The following AHCYL2 variants were observed in gnomAD, a reference collection of about 807,000 sequenced individuals.
AHCYL2 encodes adenosylhomocysteinase like 2, also known as S-adenosylhomocysteine hydrolase-like protein 2.
Under a neutral mutation model 81.4 loss-of-function variants are expected in AHCYL2, and 28 were observed. The ratio of observed to expected loss-of-function variants is 0.34; its 90% CI spans 0.25 to 0.47. The LOEUF (loss-of-function observed/expected upper bound fraction) is 0.47, where lower values mean the gene tolerates loss of function less well. Ranked by LOEUF, AHCYL2 falls within the 20% of genes least tolerant of loss-of-function variation. The pLI is 1.00. For synonymous variants in AHCYL2, 272 were observed against 290.2 expected, an observed-to-expected ratio of 0.94 and a Z score of 0.64; for missense variants, 551 against 785.1, an observed-to-expected ratio of 0.70 and a Z score of 3.56.
At chr7:129,263,827 A>G (rs931467023) in intron 1 of AHCYL2, among the ~76,000 whole-genome samples, 21 of 152,206 alleles carry the variant, frequency 1.4e-4, no homozygotes, top group Non-Finnish European at 2.6e-4. Context: ...TGTTTCAGAT[A>G]TAGAAGGACA....
At chr7:129,327,667 T>C (rs971560793) in intron 1 of AHCYL2, among the ~76,000 whole-genome samples, 4 of 152,162 alleles carry the variant, frequency 2.6e-5, no homozygotes, top group Non-Finnish European at 5.9e-5. Context: ...GGTTTTACCA[T>C]CTTGGCCAGG....
chr7:129,424,833 C>T lies in AHCYL2; in HGVS notation c.1561-41C>T, dbSNP rs746412612. 21 of 1,610,348 alleles carry T rather than the reference C, an allele frequency of 1.3e-5. No individual in the cohort carries two copies. In the East Asian group the frequency reaches 4.0e-4, roughly 31 times the overall value. ...TCCCTCACTTCTCAAAGGCCAGCGA[C>T]TTTGTCCTAATCCATTTGTGTCTTC... On this transcript the variant is annotated intron_variant, in intron 13 of 16. Transcript: ENST00000325006.
intron 1 of AHCYL2, among the ~76,000 whole-genome samples, chr7:129,303,515 A>G (rs1372523955): frequency 6.6e-6 from 1 of 151,918 alleles, no homozygotes; most frequent in Non-Finnish European, 1.5e-5. Context: ...CTTCTTTTTC[A>G]TCTCTGATTT....
intron 1 of AHCYL2, among the ~76,000 whole-genome samples, chr7:129,231,276 G>A (rs922316725): frequency 1.3e-5 from 2 of 152,038 alleles, no homozygotes; most frequent in Non-Finnish European, 2.9e-5. Context: ...AGGAGCTGAA[G>A]TTGCAGTTGT....
At chr7:129,420,418 G>C (rs1245695632) in intron 12 of AHCYL2, among the ~76,000 whole-genome samples, 2 of 151,632 alleles carry the variant, frequency 1.3e-5, no homozygotes, top group African/African-American at 4.8e-5. Context: ...AGCTCTAAAG[G>C]CTAATGGATT....
chr7:129,388,846 A>G (rs1055284204), intron 2 of AHCYL2: 15 of 491,038 alleles, frequency 3.1e-5, no homozygotes, highest in Non-Finnish European at 4.9e-5. Flanking sequence ...TTAGCCCTAC[A>G]TTTCAAGTTA....
chr7:129,411,149 T>G (rs1461131805), intron 11 of AHCYL2, among the ~76,000 whole-genome samples: 2 of 152,188 alleles, frequency 1.3e-5, no homozygotes, highest in Admixed American at 1.3e-4. Context: ...GTTCACTGTT[T>G]TTTAGTAATT....
intron 1 of AHCYL2, among the ~76,000 whole-genome samples, chr7:129,374,343 G>T (rs1794567866): frequency 6.6e-6 from 1 of 152,142 alleles, no homozygotes; most frequent in Non-Finnish European, 1.5e-5. Flanking sequence ...GCTTTGTCAA[G>T]TGAGAATAAT....
chr7:129,400,417 G>A (rs776001082), intron 6 of AHCYL2, 33 bp downstream of exon 6: 5 of 1,602,846 alleles, frequency 3.1e-6, no homozygotes, highest in Non-Finnish European at 4.3e-6. Context: ...CAATTCTGTA[G>A]GGGTCAGGAA....
chr7:129,225,345 A>C lies in AHCYL2; in HGVS notation c.269A>C (p.Asp90Ala). 2 of 1,510,518 alleles carry C rather than the reference A, an allele frequency of 1.3e-6. No individual in the cohort carries two copies. Among genetic ancestry groups the C allele is most frequent in the African/African-American group, 2.9e-5 (2 of 69,584 alleles). 93.6% of individuals were successfully genotyped at this position (1,510,518 alleles called of 1,614,324 possible). Residue 90 changes from aspartate to alanine, a missense_variant, in exon 1 of 17, where the codon GAC (aspartate) becomes GCC (alanine). By Grantham distance (126) the Asp-to-Ala change is moderately radical. Around this residue, in one of 2 missense-constraint regions of AHCYL2, gnomAD observed 235 missense variants for 242.1 expected, o/e 0.97. Transcript: ENST00000325006. ...VPQASAMKRS[D>A]PHHQHQRHRD... Reference sequence around the variant, plus strand: ...CAGGCGTCGGCCATGAAGCGGAGCGACCCACATCACCAGCACCAGCGGCAC... The same window carrying C: ...CAGGCGTCGGCCATGAAGCGGAGCGCCCCACATCACCAGCACCAGCGGCAC...
chr7:129,271,267 A>G (rs1049099989), intron 1 of AHCYL2, among the ~76,000 whole-genome samples: 12 of 151,364 alleles, frequency 7.9e-5, no homozygotes, highest in African/African-American at 2.9e-4. Flanking sequence ...AGGCTAAGGC[A>G]GAAGAATGGC....
At chr7:129,323,995 C>T (rs10248733) in intron 1 of AHCYL2, among the ~76,000 whole-genome samples, 1,795 of 151,544 alleles carry the variant, frequency 0.012, 33 homozygotes, top group African/African-American at 0.042. Flanking sequence ...CTCAGACTCT[C>T]GAGTAGCTGG....
At chr7:129,338,907 CT>C (rs567152031) in intron 1 of AHCYL2, among the ~76,000 whole-genome samples, 1 of 152,196 alleles carries the variant, frequency 6.6e-6, no homozygotes, top group Non-Finnish European at 1.5e-5. Context: ...GCCCTGTCCA[CT>C]TTACGATTAT....
Position 129,397,338 on chromosome 7 carries a change from C to A in AHCYL2, c.823+14C>A. The A allele has an allele frequency of 6.2e-7, 1 of 1,611,514 alleles. No homozygotes were observed. The highest frequency in any genetic ancestry group is 1.1e-5 in the South Asian group (1 of 90,656). On this transcript the variant is annotated intron_variant, in intron 5 of 16. Transcript: ENST00000325006. ...TAGCAGAAAGTGGTAAGAGCTTATT[C>A]TCTGTGCCTTTGGCTAAAGTAAGTC...
chr7:129,331,703 G>T (rs936866985), intron 1 of AHCYL2, among the ~76,000 whole-genome samples: 1 of 151,882 alleles, frequency 6.6e-6, no homozygotes, highest in Non-Finnish European at 1.5e-5. Flanking sequence ...TTAGCCAGGC[G>T]AGGTAGCACA....
At chr7:129,332,462 A>T (rs1184880885) in intron 1 of AHCYL2, among the ~76,000 whole-genome samples, 4 of 152,226 alleles carry the variant, frequency 2.6e-5, no homozygotes, top group African/African-American at 9.6e-5. Context: ...AGATCTGAAG[A>T]TGTAGGCAGA....
chr7:129,381,188 A>T (rs1794938215), intron 2 of AHCYL2, among the ~76,000 whole-genome samples: 1 of 152,166 alleles, frequency 6.6e-6, no homozygotes, highest in Non-Finnish European at 1.5e-5. Context: ...TTATCTAAAG[A>T]TTGATACTAA....
At chr7:129,272,843 T>G (rs1328165635) in intron 1 of AHCYL2, among the ~76,000 whole-genome samples, 2 of 152,180 alleles carry the variant, frequency 1.3e-5, no homozygotes, top group Non-Finnish European at 1.5e-5. Context: ...CAGGAATGGT[T>G]GTGTTATTAT....
rs1289958665 is a variant in AHCYL2 at position 129,267,261 on chromosome 7, G to GTGTGTGTA, written c.363+41829_363+41830insATGTGTGT. On this transcript the variant is annotated intron_variant, in intron 1 of 16. Transcript: ENST00000325006. The stretch of plus-strand genomic sequence containing the variant: ...TGTGTGTGTGTGTGTGTGTGTGTGT[G>GTGTGTGTA]TGTGTGTGTACACCCTCCAACTTAT... Among the ~76,000 whole-genome samples, 104 of 151,978 alleles carry GTGTGTGTA rather than the reference G, an allele frequency of 6.8e-4. 1 individual carries two copies. Among genetic ancestry groups the GTGTGTGTA allele is most frequent in the African/African-American group, 2.4e-3 (100 of 41,436 alleles).
Sources: allele counts gnomAD v4.1 joint callset (sites outside exome capture counted in the v4.1 genomes callset), GRCh38; gene constraint gnomAD v4.1.1; regional missense constraint gnomAD v4.1.1; transcripts MANE v1.5; gene names NCBI Gene and HGNC (gene_info 2026-07-23, HGNC 2026-07-21).